Variants in HS3ST4 observed in about 807,000 individuals in gnomAD.
HS3ST4 encodes heparan sulfate glucosamine 3-O-sulfotransferase 4.
In HS3ST4, 17 loss-of-function variants were observed where a neutral mutation model predicts 29.2. That is an observed-to-expected ratio of 0.58 (90% CI 0.40 to 0.87). HS3ST4 has a LOEUF of 0.87. Ranked by LOEUF, HS3ST4 falls within the 40% of genes least tolerant of loss-of-function variation. The pLI is 0.00. For missense variants in HS3ST4, 627 were observed against 634.5 expected, an observed-to-expected ratio of 0.99 and a Z score of 0.13; for synonymous variants, 314 against 285.7, an observed-to-expected ratio of 1.10 and a Z score of -1.00.
intron 1 of HS3ST4, among the ~76,000 whole-genome samples, chr16:25,949,246 G>A (rs1968660483): frequency 6.6e-6 from 1 of 152,028 alleles, no homozygotes; most frequent in South Asian, 2.1e-4. Flanking sequence ...ATTTTAAAAT[G>A]TACAATTCAT....
intron 1 of HS3ST4, among the ~76,000 whole-genome samples, chr16:26,092,926 AAG>A (rs1567310440): frequency 6.6e-6 from 1 of 152,060 alleles, no homozygotes; most frequent in African/African-American, 2.4e-5. Flanking sequence ...ACTGGCAGAC[AAG>A]GAGATTCTCT....
intron 1 of HS3ST4, among the ~76,000 whole-genome samples, chr16:26,022,820 G>T (rs1969427580): frequency 6.6e-6 from 1 of 151,846 alleles, no homozygotes; most frequent in South Asian, 2.1e-4. Context: ...TTTTTATTCT[G>T]TGAAAACACT....
intron 1 of HS3ST4, among the ~76,000 whole-genome samples, chr16:26,065,030 T>A (rs1898526260): frequency 6.6e-6 from 1 of 152,210 alleles, no homozygotes; most frequent in African/African-American, 2.4e-5. Context: ...GATTTACATT[T>A]CTTAATGATC....
At chr16:25,754,758 A>C (rs1966745641) in intron 1 of HS3ST4, among the ~76,000 whole-genome samples, 1 of 152,056 alleles carries the variant, frequency 6.6e-6, no homozygotes, top group South Asian at 2.1e-4. Context: ...TGATTAAATT[A>C]TCTCCACCTG....
At position 26,083,902 on chromosome 16, in the gene HS3ST4, C is replaced by T. The variant is rs1463835883; in HGVS notation, c.735-51710C>T. On this transcript the variant is annotated intron_variant, in intron 1 of 1. Coordinates refer to ENST00000331351, the MANE Select transcript of HS3ST4 (RefSeq NM_006040.3). ...TAGGGGAGATAACATGTGAAAGAAG[C>T]CCAAAGCAGCCTTGTGGGATCCAGG... Among the ~76,000 whole-genome samples, 4 of 152,134 alleles carry T rather than the reference C, an allele frequency of 2.6e-5. No individual in the cohort carries two copies. In the East Asian group the frequency reaches 7.7e-4, roughly 29 times the overall value.
In HS3ST4 at chr16:26,067,429, T is replaced by A. The variant is rs180868516; in HGVS notation, c.735-68183T>A. Among the ~76,000 whole-genome samples, 923 of 152,224 alleles carry A rather than the reference T, an allele frequency of 6.1e-3. 7 individuals are homozygous for A. The highest frequency in any genetic ancestry group is 0.022 in the African/African-American group (897 of 41,532). ...GACCAAATTAGTGAAAACAATTTGGTGTCAAAGATATTTGGGTGTAACTTT... is the reference window on the plus strand; with the variant it reads ...GACCAAATTAGTGAAAACAATTTGGAGTCAAAGATATTTGGGTGTAACTTT... On this transcript the variant is annotated intron_variant, in intron 1 of 1. Transcript: ENST00000331351.
intron 1 of HS3ST4, among the ~76,000 whole-genome samples, chr16:26,053,950 A>C (rs1197125222): frequency 6.6e-6 from 1 of 152,122 alleles, no homozygotes; most frequent in Non-Finnish European, 1.5e-5. Flanking sequence ...TCAGGGATCT[A>C]CACCAGGGGA....
intron 1 of HS3ST4, among the ~76,000 whole-genome samples, chr16:25,902,183 G>A (rs1270822124): frequency 6.6e-6 from 1 of 152,140 alleles, no homozygotes; most frequent in African/African-American, 2.4e-5. Flanking sequence ...GAAGAAAACT[G>A]ATGTTGTCAC....
At chr16:25,746,467 A>G (rs1486088226) in intron 1 of HS3ST4, among the ~76,000 whole-genome samples, 1 of 152,146 alleles carries the variant, frequency 6.6e-6, no homozygotes, top group African/African-American at 2.4e-5. Flanking sequence ...AGAAAGAGTT[A>G]CAAGTGATTA....
At chr16:25,788,720 T>G (rs1332522516) in intron 1 of HS3ST4, among the ~76,000 whole-genome samples, 2 of 151,592 alleles carry the variant, frequency 1.3e-5, no homozygotes, top group Non-Finnish European at 2.9e-5. Context: ...AATTTTTTTT[T>G]TGTAGAGATG....
At chr16:25,940,889 C>CT (rs1390670813) in intron 1 of HS3ST4, among the ~76,000 whole-genome samples, 17 of 152,342 alleles carry the variant, frequency 1.1e-4, no homozygotes, top group African/African-American at 3.8e-4. Context: ...GCTTTCTGAA[C>CT]TTTAACTGGA....
intron 1 of HS3ST4, among the ~76,000 whole-genome samples, chr16:25,953,739 T>A (rs922097302): frequency 1.3e-4 from 20 of 151,656 alleles, no homozygotes; most frequent in Admixed American, 1.3e-3. Context: ...AGGTCAGGAG[T>A]GAGAAAGTGA....
rs1407043134 is a variant in HS3ST4, at chr16:25,751,428, TCA to T, written c.734+58280_734+58281del. Among the ~76,000 whole-genome samples the T allele has an allele frequency of 2.6e-5, 4 of 152,288 alleles. No individual in the cohort carries two copies. The East Asian group carries it at 7.7e-4, about 29-fold the overall frequency. ...GCACTTAGTATCCTTGTAATTTGAC[TCA>T]CAGAATGTCAGAGGATGTTACACAA... is the stretch of plus-strand genomic sequence containing the variant. On this transcript the variant is annotated intron_variant, in intron 1 of 1. Transcript: ENST00000331351.
intron 1 of HS3ST4, among the ~76,000 whole-genome samples, chr16:26,038,337 C>G (rs1485441499): frequency 2.6e-5 from 4 of 151,416 alleles, no homozygotes; most frequent in African/African-American, 7.3e-5. Context: ...ATTATTGTCC[C>G]CAATAACACT....
chr16:26,107,165 C>G (rs11648464), intron 1 of HS3ST4, among the ~76,000 whole-genome samples: 1 of 151,988 alleles, frequency 6.6e-6, no homozygotes, highest in African/African-American at 2.4e-5. Context: ...TTGGATAATC[C>G]TGGATCAAAT....
chr16:26,019,008 G>A (rs1283135756), intron 1 of HS3ST4, among the ~76,000 whole-genome samples: 1 of 152,070 alleles, frequency 6.6e-6, no homozygotes, highest in Admixed American at 6.5e-5. Context: ...TGCAATCCCT[G>A]CTCTATACTC....
chr16:25,861,133 A>C (rs1967632198), intron 1 of HS3ST4, among the ~76,000 whole-genome samples: 1 of 152,218 alleles, frequency 6.6e-6, no homozygotes, highest in African/African-American at 2.4e-5. Context: ...CTGTGTGGCT[A>C]ATCAGATGCC....
intron 1 of HS3ST4, among the ~76,000 whole-genome samples, chr16:25,730,027 C>T (rs1966560530): frequency 1.3e-5 from 2 of 152,250 alleles, no homozygotes; most frequent in African/African-American, 4.8e-5. Context: ...TCTTCCAGGT[C>T]ACTTTTGAGA....
At chr16:25,994,974 G>C (rs1450055909) in intron 1 of HS3ST4, among the ~76,000 whole-genome samples, 1 of 152,124 alleles carries the variant, frequency 6.6e-6, no homozygotes, top group Non-Finnish European at 1.5e-5. Context: ...CCTGGGAACT[G>C]GATTTCTTTT....
Sources: allele counts gnomAD v4.1 joint callset (sites outside exome capture counted in the v4.1 genomes callset), GRCh38; gene constraint gnomAD v4.1.1; transcripts MANE v1.5; gene names NCBI Gene and HGNC (gene_info 2026-07-23, HGNC 2026-07-21).